R3HDM1: variants seen among roughly 807,000 people sequenced by gnomAD.
R3HDM1 encodes the protein R3H domain-containing protein 1.
In R3HDM1, 46 loss-of-function variants were observed where a neutral mutation model predicts 141.1. The observed-to-expected ratio is 0.33, with a 90% confidence interval of 0.26 to 0.42. The LOEUF is 0.42. Ranked by LOEUF, R3HDM1 falls within the 10% of genes least tolerant of loss-of-function variation. The pLI is 1.00. For missense variants in R3HDM1, 1,184 were observed against 1,368.3 expected (o/e 0.87, Z 2.12); for synonymous variants, 435 against 472.9 (o/e 0.92, Z 1.04).
intron 20 of R3HDM1, among the ~76,000 whole-genome samples, chr2:135,679,513 C>T (rs1404337169): frequency 6.6e-6 from 1 of 152,180 alleles, no homozygotes; most frequent in African/African-American, 2.4e-5. Context: ...TTTTATGACC[C>T]ACTGCGTCTC....
intron 1 of R3HDM1, among the ~76,000 whole-genome samples, chr2:135,532,234 C>A (rs1043970695): frequency 6.6e-6 from 1 of 152,224 alleles, no homozygotes. Context: ...AGAAAAAGCA[C>A]AATGGGAATA....
At chr2:135,589,651 T>C (rs1708769947) in intron 1 of R3HDM1, among the ~76,000 whole-genome samples, 1 of 152,148 alleles carries the variant, frequency 6.6e-6, no homozygotes, top group Non-Finnish European at 1.5e-5. Context: ...ACTGCTCTAC[T>C]CATCCCCACC....
chr2:135,624,380 C>T (rs1039093382), intron 7 of R3HDM1, among the ~76,000 whole-genome samples: 5 of 135,820 alleles, frequency 3.7e-5, no homozygotes, highest in Non-Finnish European at 6.1e-5. Flanking sequence ...GGCGACAGGG[C>T]GAGACTCCGT....
chr2:135,663,266 C>G (rs1342233068), intron 19 of R3HDM1, among the ~76,000 whole-genome samples: 3 of 151,908 alleles, frequency 2.0e-5, no homozygotes, highest in African/African-American at 7.3e-5. Context: ...GGGGTTTTCT[C>G]TGATGCTAGT....
At chr2:135,618,894 C>CCT (rs1559258889) in intron 5 of R3HDM1, among the ~76,000 whole-genome samples, 1 of 152,008 alleles carries the variant, frequency 6.6e-6, no homozygotes, top group Non-Finnish European at 1.5e-5. Flanking sequence ...GTGGCACACG[C>CCT]CTGTAATCCC....
At chr2:135,654,544 G>A (rs2065554535) in intron 18 of R3HDM1, among the ~76,000 whole-genome samples, 1 of 152,056 alleles carries the variant, frequency 6.6e-6, no homozygotes, top group African/African-American at 2.4e-5. Context: ...CGCCTGCCAT[G>A]TTCAAGCAAT....
At chr2:135,706,348 T>C (rs1355726540) in intron 21 of R3HDM1, among the ~76,000 whole-genome samples, 2 of 151,872 alleles carry the variant, frequency 1.3e-5, no homozygotes, top group East Asian at 3.9e-4. Flanking sequence ...TTTTTTTTAG[T>C]TTACATATCC....
intron 19 of R3HDM1, chr2:135,669,338 A>T: frequency 1.0e-6 from 1 of 985,372 alleles, no homozygotes; most frequent in African/African-American, 1.7e-5. Context: ...TAACTACCCA[A>T]AAATTTTCAC....
chr2:135,542,537 G>C (rs1697822325), intron 1 of R3HDM1, among the ~76,000 whole-genome samples: 1 of 151,992 alleles, frequency 6.6e-6, no homozygotes, highest in Admixed American at 6.6e-5. Flanking sequence ...AAAAGAATCT[G>C]TTATCTGTAT....
At chr2:135,567,851 C>T (rs1423985631) in intron 1 of R3HDM1, among the ~76,000 whole-genome samples, 1 of 150,982 alleles carries the variant, frequency 6.6e-6, no homozygotes. Flanking sequence ...GTAATTCTCG[C>T]ACCTCACACT....
Position 135,675,480 on chromosome 2 carries a change from A to G in R3HDM1, c.2301A>G (p.Thr767=), listed in dbSNP as rs555956576. 1.8e-5 allele frequency: 29 copies of G among 1,612,242 alleles called. 1 individual carries two copies. In the Middle Eastern group the frequency reaches 2.1e-3, roughly 119 times the overall value. The stretch of plus-strand genomic sequence containing the variant: ...TCATCCCCTATACTTCAGTGCCAAC[A>G]TATCAGGTATATTGTCTCTTTTATG... ...GVVIPYTSVP[T]YQVSLPQGSQ... is the part of the protein sequence containing the mutation. Residue 767 remains threonine, a synonymous_variant, in exon 20 of 27, where the codon ACA becomes ACG. Coordinates refer to ENST00000683871, the MANE Select transcript of R3HDM1 (RefSeq NM_001378107.1).
chr2:135,637,684 T>C (rs912181431), intron 11 of R3HDM1, among the ~76,000 whole-genome samples: 4 of 152,074 alleles, frequency 2.6e-5, no homozygotes, highest in South Asian at 2.1e-4. Flanking sequence ...CTGAGTGATA[T>C]AGGAAGTGAG....
rs373113076 is a variant in R3HDM1, at chr2:135,565,437, C to T, written c.-250+33804C>T. On this transcript the variant is annotated intron_variant, in intron 1 of 26. Transcript: ENST00000683871. ...AAACTTCTGGGCTCAAGGAATCCTT[C>T]TGCCTTAGCCTCCTAAGTAACTGGG... Among the ~76,000 whole-genome samples the T allele has an allele frequency of 3.6e-4, 54 of 150,992 alleles. 2 individuals are homozygous for T. In the East Asian group the frequency reaches 5.6e-3, roughly 16 times the overall value.
intron 18 of R3HDM1, among the ~76,000 whole-genome samples, chr2:135,658,881 G>A (rs1296375962): frequency 6.6e-6 from 1 of 151,424 alleles, no homozygotes; most frequent in Non-Finnish European, 1.5e-5. Flanking sequence ...CTAGGCCTAC[G>A]CATTTCAGGA....
chr2:135,591,524 C>T (rs1039429409), intron 1 of R3HDM1, among the ~76,000 whole-genome samples: 1 of 152,062 alleles, frequency 6.6e-6, no homozygotes, highest in African/African-American at 2.4e-5. Context: ...ATTTTAGAAA[C>T]CAAGATTATG....
intron 1 of R3HDM1, among the ~76,000 whole-genome samples, chr2:135,578,837 A>G (rs557158122): frequency 1.3e-5 from 2 of 152,328 alleles, no homozygotes; most frequent in South Asian, 2.1e-4. Context: ...CAGACTTCTC[A>G]TTGTTGTATA....
rs372694744 is a variant in R3HDM1, at chr2:135,721,992, A to G, written c.2950A>G (p.Ile984Val). ...YNPPAVLHGHIPNQQGQPGSR... is the reference protein window; with the variant it reads ...YNPPAVLHGHVPNQQGQPGSR... ...TCCTCCTGCTGTTCTGCACGGACAC[A>G]TTCCAAACCAACAGGTAGGAAAGAC... The change falls in exon 25 of 27, where the codon ATT (isoleucine) becomes GTT (valine). Residue 984 changes from isoleucine to valine, a missense_variant. Transcript: ENST00000683871. The G allele has an allele frequency of 1.2e-6, 2 of 1,613,082 alleles. No homozygotes were observed. Among genetic ancestry groups the G allele is most frequent in the African/African-American group, 2.7e-5 (2 of 74,914 alleles).
intron 1 of R3HDM1, among the ~76,000 whole-genome samples, chr2:135,533,769 C>T (rs1189056207): frequency 6.6e-6 from 1 of 152,096 alleles, no homozygotes; most frequent in African/African-American, 2.4e-5. Flanking sequence ...ATCTCAGCTA[C>T]TCGGGAGGCT....
intron 7 of R3HDM1, among the ~76,000 whole-genome samples, chr2:135,630,271 C>T (rs550835471): frequency 1.8e-5 from 2 of 113,344 alleles, no homozygotes; most frequent in South Asian, 6.5e-4. Flanking sequence ...GAGCGAAACT[C>T]CTTCTCAACC....
Sources: gnomAD v4.1 joint callset for allele counts (sites outside exome capture counted in the v4.1 genomes callset) on GRCh38, gnomAD v4.1.1 for gene constraint, MANE v1.5 for transcripts, NCBI Gene and HGNC (gene_info 2026-07-23, HGNC 2026-07-21) for gene names.